The following NAA16 variants were observed in gnomAD, a reference collection of about 807,000 sequenced individuals.
The protein encoded by NAA16 is N-alpha-acetyltransferase 16, NatA auxiliary subunit.
NAA16 carries 97 observed loss-of-function variants against 110.3 expected under a neutral mutation model. The observed-to-expected ratio is 0.88, with a 90% CI of 0.75 to 1.04. The LOEUF is 1.04. Among genes scored for constraint, NAA16 ranks in the 50% least tolerant of loss-of-function variants. The pLI, the probability that NAA16 is intolerant of heterozygous loss-of-function variation, is 0.00. For synonymous variants in NAA16, 372 were observed against 330.6 expected (o/e 1.13, Z -1.36); for missense variants, 1,017 against 1,005.1 (o/e 1.01, Z -0.16).
rs750713759 is a variant in NAA16 at position 41,325,770 on chromosome 13, G to C, written c.610G>C (p.Asp204His). The change falls in exon 6 of 20, where the codon GAT becomes CAT. Residue 204 changes from aspartate (D) to histidine (H), a missense_variant. Physicochemically the swap from Asp to His is moderately conservative, Grantham distance 81 (BLOSUM62 -1). Coordinates refer to ENST00000379406, the MANE Select transcript of NAA16 (RefSeq NM_024561.5). ...LYQNQVMREADLLQESLEHIE... is the reference protein window; with the variant it reads ...LYQNQVMREAHLLQESLEHIE... ...CCAGAATCAAGTGATGAGAGAGGCAGATCTGTTGCAGGAATCTTTGGAACA... is the reference window on the plus strand; with the variant it reads ...CCAGAATCAAGTGATGAGAGAGGCACATCTGTTGCAGGAATCTTTGGAACA... The C allele has an allele frequency of 2.1e-5, 33 of 1,605,154 alleles. No homozygotes were observed. The highest frequency in any genetic ancestry group is 2.6e-5 in the Non-Finnish European group (31 of 1,172,860).
chr13:41,364,858 C>G (rs2043179817), intron 13 of NAA16, among the ~76,000 whole-genome samples: 1 of 151,970 alleles, frequency 6.6e-6, no homozygotes, highest in South Asian at 2.1e-4. Flanking sequence ...TTTTTTAAAT[C>G]CAGAGGTTTT....
At chr13:41,372,913 A>T in intron 17 of NAA16, 83 bp downstream of exon 17, 1 of 1,288,866 alleles carries the variant, frequency 7.8e-7, no homozygotes, top group Non-Finnish European at 1.0e-6. Context: ...GATCTGATAA[A>T]TATTTAATAA....
chr13:41,343,121 A>T lies in NAA16; in HGVS notation c.1014+6365A>T, dbSNP rs536379714. On this transcript the variant is annotated intron_variant, in intron 9 of 19. Transcript: ENST00000379406. Reference sequence around the variant, plus strand: ...ATTTATTTATTTTATAAATAAGTGAAATAGCATCTTGATCTGTCTCTCAGG... The same window carrying T: ...ATTTATTTATTTTATAAATAAGTGATATAGCATCTTGATCTGTCTCTCAGG... 1.2e-4 allele frequency among the ~76,000 whole-genome samples: 18 copies of T among 152,350 alleles called. 1 individual carries two copies. In the South Asian group the frequency reaches 3.5e-3, roughly 30 times the overall value.
chr13:41,357,369 A>T (rs1274541430), intron 10 of NAA16, among the ~76,000 whole-genome samples: 1 of 15,350 alleles, frequency 6.5e-5, no homozygotes, highest in Non-Finnish European at 1.0e-4. Flanking sequence ...TCCCTTGTTG[A>T]TTCTAATAAT....
At chr13:41,334,140 C>T (rs1343329795) in intron 8 of NAA16, among the ~76,000 whole-genome samples, 2 of 151,932 alleles carry the variant, frequency 1.3e-5, no homozygotes, top group African/African-American at 4.8e-5. Context: ...ATTAGAAAGC[C>T]GTCTTGGCAT....
Position 41,362,106 on chromosome 13 carries a change from C to A in NAA16, c.1486C>A (p.Gln496Lys), listed in dbSNP as rs1180522674. 6.2e-7 allele frequency: 1 copy of A among 1,609,456 alleles called. No homozygotes were observed. Residue 496 changes from glutamine (Q) to lysine (K), a missense_variant, in exon 13 of 20, where the codon CAG (glutamine) becomes AAG (lysine). Physicochemically the swap from Gln to Lys is moderately conservative, Grantham distance 53 (BLOSUM62 1). Coordinates refer to ENST00000379406, the MANE Select transcript of NAA16 (RefSeq NM_024561.5). ...TCAGACAGAATGCATTTCAGCTTAT[C>A]AGCGTCTGGGGAGATACGGGGATGC... is the stretch of plus-strand genomic sequence containing the variant. ...WFQTECISAYQRLGRYGDALK... is the reference protein window; with the variant it reads ...WFQTECISAYKRLGRYGDALK...
intron 9 of NAA16, among the ~76,000 whole-genome samples, chr13:41,338,054 T>G (rs9562289): frequency 0.13 from 19,914 of 152,230 alleles, 1,480 homozygotes; most frequent in East Asian, 0.23. Context: ...TTTTGAGAGA[T>G]AGTGATTGAT....
intron 11 of NAA16, 23 bp from the exon 12 acceptor site, chr13:41,358,787 G>A (rs2043049146): frequency 6.5e-7 from 1 of 1,541,980 alleles, no homozygotes; most frequent in South Asian, 1.3e-5. Flanking sequence ...ATAAATTGTG[G>A]TTCCTTTAAT....
chr13:41,366,642 G>C (rs1359752707), intron 13 of NAA16, among the ~76,000 whole-genome samples: 1 of 152,116 alleles, frequency 6.6e-6, no homozygotes. Flanking sequence ...TCTCTCCTTA[G>C]GAAGAAGTTT....
At chr13:41,317,013 AT>A in intron 2 of NAA16, 83 bp downstream of exon 2, 1 of 956,962 alleles carries the variant, frequency 1.0e-6, no homozygotes, top group South Asian at 1.3e-5. Flanking sequence ...TATTTCCCCG[AT>A]TCCAGGGCCT....
chr13:41,353,947 A>AAC (rs1167583098), intron 9 of NAA16, among the ~76,000 whole-genome samples: 1 of 152,216 alleles, frequency 6.6e-6, no homozygotes, highest in Non-Finnish European at 1.5e-5. Flanking sequence ...TAAAAAAGAA[A>AAC]ACACAAAGAA....
intron 4 of NAA16, among the ~76,000 whole-genome samples, chr13:41,322,103 G>A (rs1326729730): frequency 6.6e-5 from 10 of 152,148 alleles, no homozygotes. Flanking sequence ...TTAAAAGAGA[G>A]CTAGGCTTGG....
intron 9 of NAA16, among the ~76,000 whole-genome samples, chr13:41,341,712 T>C (rs2042551828): frequency 1.3e-5 from 2 of 152,148 alleles, no homozygotes; most frequent in African/African-American, 4.8e-5. Context: ...CTTGAGACCC[T>C]ATCTAAGAAA....
At chr13:41,363,665 A>G (rs2030060944) in intron 13 of NAA16, among the ~76,000 whole-genome samples, 1 of 152,202 alleles carries the variant, frequency 6.6e-6, no homozygotes. Flanking sequence ...AGTTCAAGAA[A>G]TTAATTGGTA....
intron 9 of NAA16, among the ~76,000 whole-genome samples, chr13:41,348,695 CG>C (rs1449397463): frequency 6.6e-6 from 1 of 151,728 alleles, no homozygotes; most frequent in Middle Eastern, 3.4e-3. Flanking sequence ...TTTGGGGGGG[CG>C]GGAAGAGTTT....
chr13:41,364,054 A>G (rs1456033254), intron 13 of NAA16, among the ~76,000 whole-genome samples: 1 of 127,098 alleles, frequency 7.9e-6, no homozygotes, highest in Admixed American at 7.5e-5. Context: ...AAAATTCTTA[A>G]TGATATCATT....
chr13:41,336,559 G>A (rs1593452985), intron 8 of NAA16, 91 bp from the exon 9 acceptor site: 1 of 746,190 alleles, frequency 1.3e-6, no homozygotes, highest in Non-Finnish European at 2.2e-6. Flanking sequence ...GAGCATAATT[G>A]CTTCTGAGGG....
At chr13:41,340,783 TC>T (rs1257942722) in intron 9 of NAA16, among the ~76,000 whole-genome samples, 3 of 148,480 alleles carry the variant, frequency 2.0e-5, no homozygotes, top group African/African-American at 7.4e-5. Flanking sequence ...TTCACGCCAT[TC>T]TCCTGCCTCA....
chr13:41,365,546 G>A (rs910870052), intron 13 of NAA16, among the ~76,000 whole-genome samples: 1 of 152,174 alleles, frequency 6.6e-6, no homozygotes, highest in Non-Finnish European at 1.5e-5. Flanking sequence ...AGCTGTAGCT[G>A]CAGTATCCCA....
Sources: allele counts gnomAD v4.1 joint callset (sites outside exome capture counted in the v4.1 genomes callset), GRCh38; gene constraint gnomAD v4.1.1; transcripts MANE v1.5; gene names NCBI Gene and HGNC (gene_info 2026-07-23, HGNC 2026-07-21).